The following CACNA2D1 variants were observed in gnomAD, a reference collection of about 807,000 sequenced individuals.
CACNA2D1 encodes the protein voltage-dependent calcium channel subunit alpha-2/delta-1.
A neutral mutation model predicts 171.5 loss-of-function variants in CACNA2D1; 53 were observed. The observed-to-expected ratio is 0.31, with a 90% CI of 0.25 to 0.39. CACNA2D1 has a LOEUF of 0.39. Among genes scored for constraint, CACNA2D1 ranks in the 10% least tolerant of loss-of-function variants. CACNA2D1 has a pLI of 1.00. For missense variants in CACNA2D1, 903 were observed against 1,299.8 expected (o/e 0.69, Z 4.69); for synonymous variants, 442 against 443.1 (o/e 1.00, Z 0.03).
intron 12 of CACNA2D1, among the ~76,000 whole-genome samples, chr7:82,031,263 T>G (rs1163347851): frequency 6.6e-6 from 1 of 151,466 alleles, no homozygotes; most frequent in African/African-American, 2.4e-5. Flanking sequence ...GGCAAGGAGG[T>G]TCAGGGACAT....
In CACNA2D1 at chr7:82,108,625, TATG is replaced by T. The variant is rs1381410732; in HGVS notation, c.526+8416_526+8418del. Among the ~76,000 whole-genome samples the T allele has an allele frequency of 2.0e-5, 3 of 152,288 alleles. No homozygotes were observed. The East Asian group carries it at 5.8e-4, about 29-fold the overall frequency. On this transcript the variant is annotated intron_variant, in intron 6 of 38. Coordinates refer to ENST00000356860, the MANE Select transcript of CACNA2D1 (RefSeq NM_000722.4). ...AAATGAATTAAAAAACCACTATCTA[TATG>T]ATAAGAATACTGTATCTTTGGCATT...
chr7:82,058,465 A>G (rs1245294408), intron 10 of CACNA2D1, among the ~76,000 whole-genome samples: 1 of 152,160 alleles, frequency 6.6e-6, no homozygotes, highest in Non-Finnish European at 1.5e-5. Context: ...GTTATGAACT[A>G]TATGTTTATA....
intron 6 of CACNA2D1, among the ~76,000 whole-genome samples, chr7:82,112,211 G>C (rs764535672): frequency 6.6e-6 from 1 of 151,902 alleles, no homozygotes; most frequent in Non-Finnish European, 1.5e-5. Context: ...TATATCTCTC[G>C]TGGATTGCAT....
At chr7:82,359,694 A>G (rs1453936491) in intron 1 of CACNA2D1, among the ~76,000 whole-genome samples, 1 of 152,134 alleles carries the variant, frequency 6.6e-6, no homozygotes, top group Non-Finnish European at 1.5e-5. Flanking sequence ...TATCTAAAAT[A>G]TGTACAGCCT....
chr7:82,327,766 T>C (rs892952754), intron 3 of CACNA2D1, among the ~76,000 whole-genome samples: 1 of 152,170 alleles, frequency 6.6e-6, no homozygotes, highest in Non-Finnish European at 1.5e-5. Context: ...GGATGGCTTT[T>C]CTTGACTATA....
chr7:82,021,353 T>G (rs1427271265), intron 12 of CACNA2D1: 3 of 152,076 alleles, frequency 2.0e-5, no homozygotes, highest in Non-Finnish European at 4.4e-5. Flanking sequence ...CACTACATTT[T>G]TTATATAAAC....
At chr7:82,184,381 A>G (rs1797455444) in intron 3 of CACNA2D1, among the ~76,000 whole-genome samples, 1 of 152,064 alleles carries the variant, frequency 6.6e-6, no homozygotes, top group Non-Finnish European at 1.5e-5. Flanking sequence ...ATAATCTGAA[A>G]AAAATATGCC....
chr7:82,057,076 A>G (rs938527512), intron 10 of CACNA2D1, among the ~76,000 whole-genome samples: 5 of 152,142 alleles, frequency 3.3e-5, no homozygotes, highest in South Asian at 2.1e-4. Flanking sequence ...TCAAAATGCG[A>G]TATGTATTTT....
intron 12 of CACNA2D1, among the ~76,000 whole-genome samples, chr7:82,015,040 G>A (rs540716138): frequency 4.0e-5 from 6 of 151,838 alleles, no homozygotes; most frequent in African/African-American, 1.2e-4. Flanking sequence ...CAACAAGAGC[G>A]AAACTCCATT....
At chr7:82,053,658 G>C (rs923512227) in intron 10 of CACNA2D1, among the ~76,000 whole-genome samples, 4 of 152,092 alleles carry the variant, frequency 2.6e-5, no homozygotes, top group Non-Finnish European at 5.9e-5. Context: ...AAGCAGAGTG[G>C]AAAGTCACTA....
At chr7:82,228,457 AT>A (rs1389535112) in intron 3 of CACNA2D1, among the ~76,000 whole-genome samples, 1 of 152,208 alleles carries the variant, frequency 6.6e-6, no homozygotes, top group Non-Finnish European at 1.5e-5. Flanking sequence ...TTGGTTATAC[AT>A]CATGGAAATG....
chr7:82,404,265 G>A (rs9649065), intron 1 of CACNA2D1, among the ~76,000 whole-genome samples: 7,126 of 152,248 alleles, frequency 0.047, 184 homozygotes, highest in Middle Eastern at 0.062. Context: ...TTGCAATGAG[G>A]ACACAGAGTG....
At chr7:82,400,405 A>G (rs1268242169) in intron 1 of CACNA2D1, among the ~76,000 whole-genome samples, 2 of 152,086 alleles carry the variant, frequency 1.3e-5, no homozygotes, top group African/African-American at 4.8e-5. Context: ...TTCTCCTTGA[A>G]GAGGTCCTTC....
intron 3 of CACNA2D1, among the ~76,000 whole-genome samples, chr7:82,212,529 G>A (rs148560355): frequency 2.0e-5 from 3 of 152,280 alleles, no homozygotes; most frequent in Non-Finnish European, 4.4e-5. Flanking sequence ...TAGTTACTAT[G>A]TGCTATCTTT....
chr7:82,241,900 G>A (rs181795029), intron 3 of CACNA2D1, among the ~76,000 whole-genome samples: 1 of 152,036 alleles, frequency 6.6e-6, no homozygotes, highest in African/African-American at 2.4e-5. Context: ...TGGTCCTATT[G>A]AAAACCTTAA....
chr7:82,212,237 T>A (rs1310981805), intron 3 of CACNA2D1, among the ~76,000 whole-genome samples: 1 of 152,152 alleles, frequency 6.6e-6, no homozygotes, highest in African/African-American at 2.4e-5. Context: ...GGTTGCCAGA[T>A]CTAGCAATTA....
chr7:82,301,980 G>A (rs1187263908), intron 3 of CACNA2D1, among the ~76,000 whole-genome samples: 11 of 151,822 alleles, frequency 7.2e-5, no homozygotes, highest in Non-Finnish European at 7.4e-5. Context: ...GGCTGGTCTC[G>A]AACTCCTGAC....
chr7:81,976,704 A>G (rs1473730951), intron 24 of CACNA2D1, among the ~76,000 whole-genome samples: 2 of 152,136 alleles, frequency 1.3e-5, no homozygotes, highest in Non-Finnish European at 2.9e-5. Context: ...AATACAAAAA[A>G]TTAGCCAGGC....
chr7:82,126,992 T>C (rs1441858277), intron 5 of CACNA2D1, among the ~76,000 whole-genome samples: 1 of 152,234 alleles, frequency 6.6e-6, no homozygotes, highest in Non-Finnish European at 1.5e-5. Context: ...TGGAAGAATA[T>C]AATACGCCTG....
Sources: gnomAD v4.1 joint callset for allele counts (sites outside exome capture counted in the v4.1 genomes callset) on GRCh38, gnomAD v4.1.1 for gene constraint, MANE v1.5 for transcripts, NCBI Gene and HGNC (gene_info 2026-07-23, HGNC 2026-07-21) for gene names.